HOMER1: variants seen among roughly 807,000 people sequenced by gnomAD.
HOMER1 encodes homer protein homolog 1.
Under a neutral mutation model 48.9 loss-of-function variants are expected in HOMER1, and 3 were observed. That is an observed-to-expected ratio of 0.06 (90% CI 0.03 to 0.16). HOMER1 has a LOEUF of 0.16. Among genes scored for constraint, HOMER1 ranks in the 10% least tolerant of loss-of-function variants. HOMER1 has a pLI of 1.00. For missense variants in HOMER1, 247 were observed against 411.4 expected, an observed-to-expected ratio of 0.60 and a Z score of 3.46; for synonymous variants, 134 against 146.4, an observed-to-expected ratio of 0.92 and a Z score of 0.61.
intron 5 of HOMER1, among the ~76,000 whole-genome samples, chr5:79,437,134 A>G (rs1408451760): frequency 6.6e-6 from 1 of 152,198 alleles, no homozygotes; most frequent in Non-Finnish European, 1.5e-5. Flanking sequence ...AATACTAAGG[A>G]TTAACAAAAT....
At chr5:79,413,958 G>C (rs537606646) in intron 5 of HOMER1, among the ~76,000 whole-genome samples, 4 of 152,268 alleles carry the variant, frequency 2.6e-5, no homozygotes, top group African/African-American at 9.6e-5. Flanking sequence ...AAATAGCCTA[G>C]TATATGAAGG....
intron 1 of HOMER1, among the ~76,000 whole-genome samples, chr5:79,500,466 A>C (rs1009783119): frequency 3.9e-5 from 6 of 152,126 alleles, no homozygotes; most frequent in Non-Finnish European, 8.8e-5. Context: ...AAAATCACTG[A>C]GGAGAAAGGA....
rs191371248 is a variant in HOMER1 at position 79,408,655 on chromosome 5, T to G, written c.528-6600A>C. On this transcript the variant is annotated intron_variant, in intron 5 of 8. Transcript: ENST00000334082. ...TCTATAAGATATAAAACTATAAAAC[T>G]TGAAAAAATTCTTTGTGACCTTGGG... Among the ~76,000 whole-genome samples the G allele has an allele frequency of 2.7e-3, 415 of 152,270 alleles. 9 individuals carry two copies. Among genetic ancestry groups the G allele is most frequent in the African/African-American group, 9.6e-3 (398 of 41,550 alleles).
intron 5 of HOMER1, among the ~76,000 whole-genome samples, chr5:79,433,869 C>T (rs929886270): frequency 1.3e-5 from 2 of 152,094 alleles, no homozygotes; most frequent in Non-Finnish European, 2.9e-5. Flanking sequence ...GACTAATATG[C>T]TAGAAAATAA....
intron 1 of HOMER1, among the ~76,000 whole-genome samples, chr5:79,483,506 A>C (rs1478579875): frequency 2.6e-5 from 4 of 151,936 alleles, no homozygotes; most frequent in Non-Finnish European, 5.9e-5. Context: ...TAAAAAAAAA[A>C]AACTCTTAAA....
chr5:79,407,686 G>C (rs1384699855), intron 5 of HOMER1, among the ~76,000 whole-genome samples: 1 of 152,116 alleles, frequency 6.6e-6, no homozygotes, highest in African/African-American at 2.4e-5. Context: ...GATATGAAGG[G>C]CCATGTAAAC....
intron 2 of HOMER1, among the ~76,000 whole-genome samples, chr5:79,455,767 T>A (rs1197973632): frequency 1.3e-5 from 2 of 152,214 alleles, no homozygotes; most frequent in Non-Finnish European, 2.9e-5. Flanking sequence ...ACTGAAGACC[T>A]CATCTTTCTA....
chr5:79,509,554 A>G (rs779131656), intron 1 of HOMER1, among the ~76,000 whole-genome samples: 1 of 152,160 alleles, frequency 6.6e-6, no homozygotes, highest in Non-Finnish European at 1.5e-5. Context: ...CTTTTCAGAG[A>G]CTTCATTTTA....
chr5:79,457,104 T>C (rs1281431004), intron 1 of HOMER1, 86 bp from the exon 2 acceptor site: 1 of 1,260,052 alleles, frequency 7.9e-7, no homozygotes, highest in African/African-American at 1.5e-5. Context: ...CAAGGATGAT[T>C]CTGCTTAATC....
intron 1 of HOMER1, among the ~76,000 whole-genome samples, chr5:79,461,970 G>A (rs1751327409): frequency 1.3e-5 from 2 of 152,208 alleles, no homozygotes; most frequent in Admixed American, 1.3e-4. Context: ...AGGCCCAGGT[G>A]GGTTCATCAC....
At chr5:79,459,102 G>T (rs1387471048) in intron 1 of HOMER1, among the ~76,000 whole-genome samples, 1 of 152,100 alleles carries the variant, frequency 6.6e-6, no homozygotes, top group East Asian at 1.9e-4. Context: ...TCGATTACTT[G>T]ATTTTTTTGT....
chr5:79,454,494 G>A (rs893380406), intron 2 of HOMER1, among the ~76,000 whole-genome samples: 1 of 151,828 alleles, frequency 6.6e-6, no homozygotes, highest in African/African-American at 2.4e-5. Flanking sequence ...ATAATATCTA[G>A]TATCTGTCAA....
At chr5:79,430,183 C>CA (rs1446049613) in intron 5 of HOMER1, among the ~76,000 whole-genome samples, 2 of 152,090 alleles carry the variant, frequency 1.3e-5, no homozygotes, top group African/African-American at 4.8e-5. Flanking sequence ...AACAAAGAGA[C>CA]AAACAGTCTA....
At chr5:79,447,520 A>G (rs1409530068) in intron 3 of HOMER1, among the ~76,000 whole-genome samples, 2 of 152,224 alleles carry the variant, frequency 1.3e-5, no homozygotes, top group African/African-American at 4.8e-5. Flanking sequence ...ACTGAATTTC[A>G]CAAGTATCCA....
At chr5:79,462,122 C>T (rs1751333839) in intron 1 of HOMER1, among the ~76,000 whole-genome samples, 1 of 152,092 alleles carries the variant, frequency 6.6e-6, no homozygotes, top group African/African-American at 2.4e-5. Flanking sequence ...TCACTTGAAC[C>T]CAGGAGACGG....
chr5:79,379,123 A>AT (rs1748870420), intron 8 of HOMER1, among the ~76,000 whole-genome samples: 1 of 99,160 alleles, frequency 1.0e-5, no homozygotes, highest in African/African-American at 4.5e-5. Flanking sequence ...TAAAATATAT[A>AT]AATATTTATT....
At chr5:79,427,717 C>A (rs1270598362) in intron 5 of HOMER1, among the ~76,000 whole-genome samples, 2 of 116,160 alleles carry the variant, frequency 1.7e-5, no homozygotes, top group African/African-American at 4.0e-5. Context: ...CCTTTCCTTC[C>A]CTTCCTTCCT....
In HOMER1 at chr5:79,433,808, T is replaced by C. The variant is rs375884886; in HGVS notation, c.527+5202A>G. Among the ~76,000 whole-genome samples the C allele has an allele frequency of 2.0e-4, 30 of 152,268 alleles. 1 individual carries two copies. In the South Asian group the frequency reaches 6.2e-3, roughly 32 times the overall value. ...GATAAATACAGATGGAGTAAACCCA[T>C]ACAGATGTCATACATTGTGATAAAA... is the stretch of plus-strand genomic sequence containing the variant. On this transcript the variant is annotated intron_variant, in intron 5 of 8. Transcript: ENST00000334082.
intron 1 of HOMER1, among the ~76,000 whole-genome samples, chr5:79,497,677 A>C (rs1419928349): frequency 6.6e-6 from 1 of 151,144 alleles, no homozygotes; most frequent in Non-Finnish European, 1.5e-5. Flanking sequence ...AAAAAAAAAA[A>C]AAAAAGGCAG....
Sources: gnomAD v4.1 joint callset for allele counts (sites outside exome capture counted in the v4.1 genomes callset) on GRCh38, gnomAD v4.1.1 for gene constraint, MANE v1.5 for transcripts, NCBI Gene and HGNC (gene_info 2026-07-23, HGNC 2026-07-21) for gene names.